OLFM2: variants seen among roughly 807,000 people sequenced by gnomAD.
OLFM2 encodes olfactomedin 2, also known as noelin-2.
A neutral mutation model predicts 43.9 loss-of-function variants in OLFM2; 20 were observed. That is an observed-to-expected ratio of 0.46 (90% CI 0.32 to 0.66). The LOEUF is 0.66. Ranked by LOEUF, OLFM2 falls within the 30% of genes least tolerant of loss-of-function variation. The pLI is 0.04. For missense variants in OLFM2, 416 were observed against 643.6 expected (o/e 0.65, Z 3.83); for synonymous variants, 268 against 278.6 (o/e 0.96, Z 0.38).
chr19:9,857,400 C>T lies in OLFM2; in HGVS notation c.443G>A (p.Arg148His), dbSNP rs777567615. The change falls in exon 4 of 6, where the codon CGC becomes CAC. Residue 148 changes from arginine to histidine, a missense_variant. By Grantham distance (29) the Arg-to-His change is conservative (BLOSUM62 0). Coordinates refer to ENST00000264833, the MANE Select transcript of OLFM2 (RefSeq NM_058164.4). This position sits in a 1 kb window ranked among gnomAD's most constrained non-coding sequence, Gnocchi z 5.7. ...QYKADTRTIV[R>H]LREEVRNLSG... ...GAGATTCCTCACCTCCTCCCGCAAG[C>T]GTACAATGGTCCGCGTGTCTGCCTT... 30 of 1,614,018 alleles carry T rather than the reference C, an allele frequency of 1.9e-5. No individual in the cohort carries two copies. The highest frequency in any genetic ancestry group is 2.7e-5 in the African/African-American group (2 of 74,902).
chr19:9,916,144 G>A (rs1599499207), intron 1 of OLFM2, among the ~76,000 whole-genome samples: 1 of 152,124 alleles, frequency 6.6e-6, no homozygotes, highest in Admixed American at 6.5e-5. Context: ...ATCACTTGAG[G>A]CCAGGAGTTC....
chr19:9,896,283 T>C (rs1171513895), intron 1 of OLFM2, among the ~76,000 whole-genome samples: 2 of 152,014 alleles, frequency 1.3e-5, no homozygotes, highest in African/African-American at 4.8e-5. Flanking sequence ...GTATTTTTAG[T>C]AGAGACAGGG....
At chr19:9,874,515 C>T (rs1470619305) in intron 1 of OLFM2, among the ~76,000 whole-genome samples, 2 of 152,010 alleles carry the variant, frequency 1.3e-5, no homozygotes, top group African/African-American at 2.4e-5. Flanking sequence ...GAGTCTCCCT[C>T]TGTCGCCCAG....
intron 2 of OLFM2, 63 bp downstream of exon 2, chr19:9,860,582 G>C: frequency 1.3e-6 from 2 of 1,536,894 alleles, no homozygotes; most frequent in Non-Finnish European, 1.8e-6. Context: ...GATGGGGCTG[G>C]AGGGCGGGGT....
In OLFM2 at chr19:9,862,460, T is replaced by A. The variant is rs577626095; in HGVS notation, c.64-1666A>T. 2.6e-5 allele frequency among the ~76,000 whole-genome samples: 4 copies of A among 151,380 alleles called. No individual in the cohort carries two copies. In the South Asian group the frequency reaches 8.3e-4, roughly 32 times the overall value. ...GCTGAAGGGGGCGGATCACTGAAGGTCAGGAGTTTAAGGCCACCCTGGGCA... is the reference window on the plus strand; with the variant it reads ...GCTGAAGGGGGCGGATCACTGAAGGACAGGAGTTTAAGGCCACCCTGGGCA... On this transcript the variant is annotated intron_variant, in intron 1 of 5. Transcript: ENST00000264833.
In OLFM2 at chr19:9,857,537, C is replaced by A. The variant is rs2046331597; in HGVS notation, c.361-55G>T. On this transcript the variant is annotated intron_variant, in intron 3 of 5. Coordinates refer to ENST00000264833, the MANE Select transcript of OLFM2 (RefSeq NM_058164.4). This position sits in a 1 kb window ranked among gnomAD's most constrained non-coding sequence, Gnocchi z 5.7. ...CCTGACCCCTGGCCTTTGACCCAGA[C>A]ATGACTCCAACCTCTGACTCATAAC... The A allele has an allele frequency of 1.3e-6, 2 of 1,590,434 alleles. No individual in the cohort carries two copies. Among genetic ancestry groups the A allele is most frequent in the East Asian group, 4.5e-5 (2 of 44,662 alleles).
chr19:9,896,893 GTC>G (rs2046689981), intron 1 of OLFM2, among the ~76,000 whole-genome samples: 1 of 152,124 alleles, frequency 6.6e-6, no homozygotes, highest in Non-Finnish European at 1.5e-5. Flanking sequence ...CATATAAGAA[GTC>G]CTCAAAAACA....
intron 1 of OLFM2, among the ~76,000 whole-genome samples, chr19:9,920,741 C>CAAAAA (rs557455889): frequency 8.7e-5 from 11 of 126,622 alleles, no homozygotes; most frequent in South Asian, 2.6e-4. Context: ...ACTAAACATA[C>CAAAAA]AAAAAAAAAA....
chr19:9,858,041 G>A (rs773960558), intron 2 of OLFM2, 180 bp from the exon 3 acceptor site: 4 of 729,142 alleles, frequency 5.5e-6, no homozygotes, highest in South Asian at 1.6e-5. Context: ...TCCATCCATC[G>A]CTCCCTCCCT....
chr19:9,857,913 C>T lies in OLFM2; in HGVS notation c.214-52G>A. 1.2e-6 allele frequency: 2 copies of T among 1,610,436 alleles called. No homozygotes were observed. The highest frequency in any genetic ancestry group is 1.7e-6 in the Non-Finnish European group (2 of 1,178,048). On this transcript the variant is annotated intron_variant, in intron 2 of 5. Coordinates refer to ENST00000264833, the MANE Select transcript of OLFM2 (RefSeq NM_058164.4). The surrounding 1 kb of genome is among the most constrained non-coding windows in gnomAD (Gnocchi z 5.7). ...CAGACCTCCTTCCCCAAATCCCAAC[C>T]CAGAGATGCCACAGACAAGAGCTGG...
chr19:9,862,154 G>A (rs950238364), intron 1 of OLFM2, among the ~76,000 whole-genome samples: 1 of 152,190 alleles, frequency 6.6e-6, no homozygotes, highest in African/African-American at 2.4e-5. Flanking sequence ...GCTACTAGGA[G>A]AGACGGACAT....
At chr19:9,867,620 G>A (rs994306470) in intron 1 of OLFM2, among the ~76,000 whole-genome samples, 2 of 152,162 alleles carry the variant, frequency 1.3e-5, no homozygotes, top group African/African-American at 4.8e-5. Context: ...TTCCAGAGAG[G>A]ACTCTAAGTG....
intron 1 of OLFM2, among the ~76,000 whole-genome samples, chr19:9,919,701 C>T (rs915319610): frequency 6.6e-6 from 1 of 151,086 alleles, no homozygotes. Flanking sequence ...AGGCTGGTCT[C>T]AAACTCCTGA....
chr19:9,891,346 C>T (rs10409290), intron 1 of OLFM2, among the ~76,000 whole-genome samples: 76,534 of 146,322 alleles, frequency 0.52, 20,472 homozygotes, highest in Admixed American at 0.61. Flanking sequence ...ATGCTGGGGC[C>T]AGGCACAGTG....
At chr19:9,916,749 G>T (rs2046878834) in intron 1 of OLFM2, among the ~76,000 whole-genome samples, 1 of 152,138 alleles carries the variant, frequency 6.6e-6, no homozygotes, top group Non-Finnish European at 1.5e-5. Flanking sequence ...GCACTTGCTT[G>T]CATTTAACTC....
intron 1 of OLFM2, among the ~76,000 whole-genome samples, chr19:9,873,255 G>C (rs1454382772): frequency 6.6e-6 from 1 of 152,124 alleles, no homozygotes; most frequent in African/African-American, 2.4e-5. Context: ...CCAGGCTCAA[G>C]CCATCCTCTC....
intron 5 of OLFM2, among the ~76,000 whole-genome samples, 167 bp from the exon 6 acceptor site, chr19:9,855,030 T>C (rs2046304612): frequency 6.6e-6 from 1 of 152,134 alleles, no homozygotes; most frequent in East Asian, 1.9e-4. Context: ...CATGATCATC[T>C]CCTGGTGACA....
At position 9,854,446 on chromosome 19, in the gene OLFM2, T is replaced by C. The variant is rs765941220; in HGVS notation, c.1105A>G (p.Ser369Gly). ...CAGATCATGAAGGCCTCGCCAGCGC[T>C]GCGCTTGGGGTAGCCGGTGTCCCAG... The part of the protein sequence containing the change: ...RSWDTGYPKR[S>G]AGEAFMICGV... The change falls in exon 6 of 6, where the codon AGC becomes GGC. Residue 369 changes from serine (S) to glycine (G), a missense_variant. Coordinates refer to ENST00000264833, the MANE Select transcript of OLFM2 (RefSeq NM_058164.4). This position sits in a 1 kb window ranked among gnomAD's most constrained non-coding sequence, Gnocchi z 9.5. 2.5e-6 allele frequency: 4 copies of C among 1,614,156 alleles called. No homozygotes were observed. Among genetic ancestry groups the C allele is most frequent in the Non-Finnish European group, 2.5e-6 (3 of 1,180,042 alleles).
At chr19:9,911,435 T>C (rs1039141976) in intron 1 of OLFM2, among the ~76,000 whole-genome samples, 7 of 152,122 alleles carry the variant, frequency 4.6e-5, no homozygotes, top group Admixed American at 6.6e-5. Context: ...TGGATGAAGA[T>C]GCTGTTAGCT....
Sources: gnomAD v4.1 joint callset for allele counts (sites outside exome capture counted in the v4.1 genomes callset) on GRCh38, gnomAD v4.1.1 for gene constraint, Gnocchi (gnomAD v3.1) non-coding constraint, MANE v1.5 for transcripts, NCBI Gene and HGNC (gene_info 2026-07-23, HGNC 2026-07-21) for gene names.